The following SLC25A48 variants were observed in gnomAD, a reference collection of about 807,000 sequenced individuals.
The protein encoded by SLC25A48 is solute carrier family 25 member 48.
Under a neutral mutation model 32.2 loss-of-function variants are expected in SLC25A48, and 29 were observed. The observed-to-expected ratio is 0.90, with a 90% confidence interval of 0.67 to 1.23. SLC25A48 has a LOEUF of 1.23. SLC25A48 is among the 50% of genes most tolerant of loss of function. SLC25A48 has a pLI of 0.00. For missense variants in SLC25A48, 399 were observed against 422.7 expected (o/e 0.94, Z 0.49); for synonymous variants, 164 against 172.3 (o/e 0.95, Z 0.38).
At position 135,769,265 on chromosome 5, in the gene SLC25A48, G is replaced by GGGGT. The variant is rs71593856; in HGVS notation, c.-520-43256_-520-43255insGTGG. ...GTAATTTTGTTTGCAATATTGGGGGGGGAGAATGATATTACTGACAGCATC... is the reference window on the plus strand; with the variant it reads ...GTAATTTTGTTTGCAATATTGGGGGGGGGTGGAGAATGATATTACTGACAGCATC... On this transcript the variant is annotated intron_variant, in intron 3 of 10. Coordinates refer to the SLC25A48 transcript ENST00000646290. Among the ~76,000 whole-genome samples the GGGGT allele has an allele frequency of 1.4e-3, 199 of 145,134 alleles. 2 individuals carry two copies. Among genetic ancestry groups the GGGGT allele is most frequent in the East Asian group, 0.01 (49 of 4,728 alleles).
At chr5:135,652,844 C>G (rs1377162631) in intron 3 of SLC25A48, among the ~76,000 whole-genome samples, 1 of 152,210 alleles carries the variant, frequency 6.6e-6, no homozygotes, top group Non-Finnish European at 1.5e-5. Flanking sequence ...TCATTTTGGG[C>G]TTAAGGACTG....
At chr5:135,675,056 G>A (rs1753737134) in intron 3 of SLC25A48, among the ~76,000 whole-genome samples, 1 of 151,316 alleles carries the variant, frequency 6.6e-6, no homozygotes, top group Non-Finnish European at 1.5e-5. Flanking sequence ...ATTCTAACTG[G>A]GGAAAGATGA....
intron 3 of SLC25A48, among the ~76,000 whole-genome samples, chr5:135,697,550 C>T (rs889448997): frequency 8.5e-5 from 13 of 152,180 alleles, no homozygotes; most frequent in African/African-American, 3.1e-4. Flanking sequence ...ACCTCCTTTG[C>T]CAGAGACTGG....
chr5:135,757,798 A>G (rs1350744699), intron 3 of SLC25A48, among the ~76,000 whole-genome samples: 1 of 150,270 alleles, frequency 6.7e-6, no homozygotes, highest in Non-Finnish European at 1.5e-5. Context: ...CACAGTGTTA[A>G]CACAGTAAGA....
At chr5:135,763,919 G>A (rs1756130939) in intron 3 of SLC25A48, among the ~76,000 whole-genome samples, 1 of 152,110 alleles carries the variant, frequency 6.6e-6, no homozygotes, top group Admixed American at 6.5e-5. Context: ...TGCCGCCCAG[G>A]CTGAGTGCAG....
intron 1 of SLC25A48, among the ~76,000 whole-genome samples, chr5:135,837,128 C>T (rs1758603973): frequency 6.6e-6 from 1 of 151,958 alleles, no homozygotes; most frequent in African/African-American, 2.4e-5. Flanking sequence ...AGATGTTGGC[C>T]CAAGGCTGGA....
chr5:135,871,439 C>T (rs767172023), intron 4 of SLC25A48, 22 bp from the exon 5 acceptor site: 19 of 1,564,240 alleles, frequency 1.2e-5, no homozygotes, highest in Middle Eastern at 1.7e-4. Context: ...CACTTGCCAC[C>T]TTCTCTCCCC....
chr5:135,741,756 C>A (rs1755506166), intron 3 of SLC25A48, among the ~76,000 whole-genome samples: 1 of 152,066 alleles, frequency 6.6e-6, no homozygotes, highest in African/African-American at 2.4e-5. Context: ...AAAAACATTT[C>A]AAAAATGTGA....
intron 1 of SLC25A48, among the ~76,000 whole-genome samples, chr5:135,838,513 T>C (rs546371229): frequency 1.8e-4 from 28 of 152,340 alleles, no homozygotes; most frequent in African/African-American, 6.0e-4. Flanking sequence ...GCAGGGCATG[T>C]CAGAGACCTT....
At chr5:135,683,183 C>T (rs1415571574) in intron 3 of SLC25A48, among the ~76,000 whole-genome samples, 1 of 152,136 alleles carries the variant, frequency 6.6e-6, no homozygotes, top group Admixed American at 6.5e-5. Flanking sequence ...AATGGATAAA[C>T]TACTATTGGT....
At chr5:135,758,148 A>T (rs1755968902) in intron 3 of SLC25A48, among the ~76,000 whole-genome samples, 1 of 150,780 alleles carries the variant, frequency 6.6e-6, no homozygotes, top group African/African-American at 2.4e-5. Flanking sequence ...ACACACGATG[A>T]TATGAATAGA....
chr5:135,715,950 T>C (rs1284156284), intron 3 of SLC25A48, among the ~76,000 whole-genome samples: 2 of 152,322 alleles, frequency 1.3e-5, no homozygotes, highest in Admixed American at 1.3e-4. Flanking sequence ...TTGTATTTCC[T>C]GGCTTTTACT....
At chr5:135,881,441 T>C (rs6862264) in intron 7 of SLC25A48, among the ~76,000 whole-genome samples, 1 of 152,232 alleles carries the variant, frequency 6.6e-6, no homozygotes, top group Non-Finnish European at 1.5e-5. Context: ...CCCCAGAAGC[T>C]GGCTTCAAAT....
intron 1 of SLC25A48, among the ~76,000 whole-genome samples, chr5:135,840,768 A>T (rs1400199354): frequency 1.3e-5 from 2 of 152,224 alleles, no homozygotes; most frequent in African/African-American, 2.4e-5. Context: ...ATTGCCAAAC[A>T]GTATTCCTCT....
chr5:135,758,776 G>A (rs1412645267), intron 3 of SLC25A48, among the ~76,000 whole-genome samples: 5 of 149,622 alleles, frequency 3.3e-5, no homozygotes, highest in African/African-American at 9.8e-5. Context: ...ACACATTGAC[G>A]TTAATATATC....
chr5:135,837,787 C>G (rs1232018850), intron 1 of SLC25A48, among the ~76,000 whole-genome samples: 1 of 152,228 alleles, frequency 6.6e-6, no homozygotes, highest in African/African-American at 2.4e-5. Context: ...CCATGTAGAA[C>G]AGTGAGTCAA....
At chr5:135,626,916 T>TCCAG (rs972270767) in intron 1 of SLC25A48, among the ~76,000 whole-genome samples, 3 of 152,052 alleles carry the variant, frequency 2.0e-5, no homozygotes, top group Non-Finnish European at 4.4e-5. Flanking sequence ...CCATCCAGGG[T>TCCAG]CCAGCCAGCC....
At chr5:135,585,230 C>T (rs1048231343) in intron 1 of SLC25A48, among the ~76,000 whole-genome samples, 1 of 152,218 alleles carries the variant, frequency 6.6e-6, no homozygotes, top group East Asian at 1.9e-4. Flanking sequence ...TGCCCCACCT[C>T]CTGCCTCTCT....
At chr5:135,737,221 T>C (rs1376121922) in intron 3 of SLC25A48, among the ~76,000 whole-genome samples, 1 of 151,630 alleles carries the variant, frequency 6.6e-6, no homozygotes, top group Non-Finnish European at 1.5e-5. Context: ...GGCCGTTTTA[T>C]AGGATTTGGG....
Sources: allele counts gnomAD v4.1 joint callset (sites outside exome capture counted in the v4.1 genomes callset), GRCh38; gene constraint gnomAD v4.1.1; transcripts MANE v1.5; gene names NCBI Gene and HGNC (gene_info 2026-07-23, HGNC 2026-07-21).